Variants in OTUD7A observed in about 807,000 individuals in gnomAD.
OTUD7A encodes OTU deubiquitinase 7A, also known as OTU domain-containing protein 7A.
OTUD7A carries 12 observed loss-of-function variants against 65.7 expected under a neutral mutation model. The ratio of observed to expected loss-of-function variants is 0.18; its 90% CI spans 0.12 to 0.30. The LOEUF is 0.30. Ranked by LOEUF, OTUD7A falls within the 10% of genes least tolerant of loss-of-function variation. OTUD7A has a pLI of 1.00. For synonymous variants in OTUD7A, 641 were observed against 586.3 expected, an observed-to-expected ratio of 1.09 and a Z score of -1.35; for missense variants, 1,148 against 1,304.8, an observed-to-expected ratio of 0.88 and a Z score of 1.85.
chr15:31,516,465 C>T (rs1440494835), intron 8 of OTUD7A, among the ~76,000 whole-genome samples: 1 of 152,174 alleles, frequency 6.6e-6, no homozygotes, highest in Non-Finnish European at 1.5e-5. Context: ...TCCCTACTTG[C>T]TTCTGGCTCC....
chr15:31,848,237 C>T (rs929082858), intron 1 of OTUD7A, among the ~76,000 whole-genome samples: 4 of 152,054 alleles, frequency 2.6e-5, no homozygotes, highest in Admixed American at 6.6e-5. Flanking sequence ...AGGTGTCACA[C>T]GAGAGGCAGG....
chr15:31,609,366 G>T (rs910319022), intron 3 of OTUD7A, among the ~76,000 whole-genome samples: 1 of 152,258 alleles, frequency 6.6e-6, no homozygotes, highest in South Asian at 2.1e-4. Flanking sequence ...AACAAACTTG[G>T]TGCCGTTAGC....
chr15:31,763,143 C>T (rs905711675), intron 1 of OTUD7A, among the ~76,000 whole-genome samples: 3 of 152,004 alleles, frequency 2.0e-5, no homozygotes, highest in African/African-American at 7.2e-5. Context: ...ATCAACTGGG[C>T]CTGGTAGCAT....
chr15:31,605,195 G>A (rs1337822425), intron 3 of OTUD7A, among the ~76,000 whole-genome samples: 2 of 121,316 alleles, frequency 1.6e-5, no homozygotes, highest in Admixed American at 1.6e-4. Context: ...TGGGTGTGCA[G>A]GGGGAATGGG....
intron 1 of OTUD7A, among the ~76,000 whole-genome samples, chr15:31,770,047 T>C (rs887360076): frequency 1.3e-5 from 2 of 151,570 alleles, no homozygotes; most frequent in East Asian, 1.9e-4. Context: ...CTTAAGAAAC[T>C]AGAAAAAAAG....
intron 1 of OTUD7A, among the ~76,000 whole-genome samples, chr15:31,864,034 C>T (rs1012781090): frequency 6.6e-6 from 1 of 152,218 alleles, no homozygotes; most frequent in African/African-American, 2.4e-5. Flanking sequence ...AGGCAAAATG[C>T]CACCAGTCTC....
intron 3 of OTUD7A, among the ~76,000 whole-genome samples, chr15:31,577,802 A>G (rs1477782509): frequency 2.1e-5 from 3 of 141,362 alleles, no homozygotes; most frequent in Non-Finnish European, 4.5e-5. Context: ...TAACTTATAC[A>G]TTTGATTTGA....
chr15:31,720,287 G>T (rs547304124), intron 1 of OTUD7A, among the ~76,000 whole-genome samples: 1 of 151,748 alleles, frequency 6.6e-6, no homozygotes, highest in Admixed American at 6.6e-5. Flanking sequence ...GATAGATCAT[G>T]ATGTTCCAGT....
At chr15:31,579,029 C>G (rs912313893) in intron 3 of OTUD7A, among the ~76,000 whole-genome samples, 7 of 152,148 alleles carry the variant, frequency 4.6e-5, no homozygotes, top group African/African-American at 1.2e-4. Context: ...GAGTTTGACT[C>G]TTTTCGTTAA....
At chr15:31,850,845 C>A (rs939912757) in intron 1 of OTUD7A, among the ~76,000 whole-genome samples, 1 of 152,096 alleles carries the variant, frequency 6.6e-6, no homozygotes, top group African/African-American at 2.4e-5. Context: ...CCTCATTGGC[C>A]AGGCACATCC....
At chr15:31,737,832 T>G (rs537182751) in intron 1 of OTUD7A, among the ~76,000 whole-genome samples, 1 of 152,346 alleles carries the variant, frequency 6.6e-6, no homozygotes, top group African/African-American at 2.4e-5. Context: ...ACATCCATGC[T>G]GTACAGTTTC....
chr15:31,653,483 C>T (rs1174909771), intron 3 of OTUD7A, among the ~76,000 whole-genome samples: 9 of 151,262 alleles, frequency 5.9e-5, no homozygotes, highest in African/African-American at 1.9e-4. Context: ...AAATGATCTC[C>T]CTGCATGAAA....
chr15:31,536,565 C>A (rs1208977721), intron 5 of OTUD7A, among the ~76,000 whole-genome samples: 1 of 152,150 alleles, frequency 6.6e-6, no homozygotes, highest in African/African-American at 2.4e-5. Flanking sequence ...AGGATTTGAA[C>A]AACTGAAGAA....
chr15:31,730,660 G>A lies in OTUD7A; in HGVS notation c.-99-73583C>T, dbSNP rs539467060. Among the ~76,000 whole-genome samples, 43 of 152,346 alleles carry A rather than the reference G, an allele frequency of 2.8e-4. 1 individual carries two copies. Among genetic ancestry groups the A allele is most frequent in the Admixed American group, 2.3e-3 (35 of 15,306 alleles). On this transcript the variant is annotated intron_variant, in intron 1 of 12. Transcript: ENST00000307050. ...TGTAGTAAGAATGCAGTTGGGTGGA[G>A]ATGACCTAGGTTAAATCCCAATGCT...
At chr15:31,678,793 G>A (rs1892648473) in intron 1 of OTUD7A, among the ~76,000 whole-genome samples, 1 of 152,230 alleles carries the variant, frequency 6.6e-6, no homozygotes, top group African/African-American at 2.4e-5. Context: ...GGGAAATGTG[G>A]GGTCACAGCC....
intron 1 of OTUD7A, among the ~76,000 whole-genome samples, chr15:31,867,952 T>A (rs1041896414): frequency 6.6e-6 from 1 of 152,094 alleles, no homozygotes; most frequent in South Asian, 2.1e-4. Flanking sequence ...CGCACACACA[T>A]GCACCCACCT....
chr15:31,645,054 C>T (rs1891621635), intron 3 of OTUD7A, among the ~76,000 whole-genome samples: 1 of 152,188 alleles, frequency 6.6e-6, no homozygotes, highest in Non-Finnish European at 1.5e-5. Context: ...TAGCTGTCTC[C>T]GCTCTCAGGC....
chr15:31,608,509 TAC>T (rs1232427054), intron 3 of OTUD7A, among the ~76,000 whole-genome samples: 1 of 152,120 alleles, frequency 6.6e-6, no homozygotes, highest in Non-Finnish European at 1.5e-5. Context: ...CACAAGACCA[TAC>T]ACATAAGCAT....
chr15:31,579,210 T>C (rs1013452459), intron 3 of OTUD7A, among the ~76,000 whole-genome samples: 7 of 152,128 alleles, frequency 4.6e-5, no homozygotes, highest in East Asian at 1.9e-4. Context: ...TGTAAGGGGA[T>C]TGGGCAGAAA....
Sources: gnomAD v4.1 joint callset for allele counts (sites outside exome capture counted in the v4.1 genomes callset) on GRCh38, gnomAD v4.1.1 for gene constraint, MANE v1.5 for transcripts, NCBI Gene and HGNC (gene_info 2026-07-23, HGNC 2026-07-21) for gene names.